The following ARFIP1 variants were observed in gnomAD, a reference collection of about 807,000 sequenced individuals.
ARFIP1 encodes ARF interacting protein 1.
ARFIP1 carries 24 observed loss-of-function variants against 42.5 expected under a neutral mutation model. The ratio of observed to expected loss-of-function variants is 0.57; its 90% CI spans 0.41 to 0.80. The LOEUF (loss-of-function observed/expected upper bound fraction) is 0.80. Ranked by LOEUF, ARFIP1 falls within the 30% of genes least tolerant of loss-of-function variation. ARFIP1 has a pLI of 0.00. For synonymous variants in ARFIP1, 141 were observed against 153.7 expected (o/e 0.92, Z 0.61); for missense variants, 354 against 434.0 (o/e 0.82, Z 1.64).
At chr4:152,867,179 A>G (rs923110096) in intron 3 of ARFIP1, among the ~76,000 whole-genome samples, 2 of 152,216 alleles carry the variant, frequency 1.3e-5, no homozygotes, top group Non-Finnish European at 2.9e-5. Flanking sequence ...AGCCGAGATC[A>G]CGCCACTGCA....
At chr4:152,784,100 A>G (rs1730658477) in intron 1 of ARFIP1, among the ~76,000 whole-genome samples, 1 of 152,212 alleles carries the variant, frequency 6.6e-6, no homozygotes, top group Non-Finnish European at 1.5e-5. Context: ...GGAAACTTTA[A>G]TATGGTTATG....
intron 2 of ARFIP1, among the ~76,000 whole-genome samples, chr4:152,854,439 T>C (rs2149869335): frequency 6.6e-6 from 1 of 152,316 alleles, no homozygotes; most frequent in East Asian, 1.9e-4. Flanking sequence ...GAATCAGTAG[T>C]TTGAATTCTT....
intron 1 of ARFIP1, among the ~76,000 whole-genome samples, chr4:152,799,722 C>T (rs1731685998): frequency 6.6e-6 from 1 of 151,908 alleles, no homozygotes; most frequent in African/African-American, 2.4e-5. Flanking sequence ...AAGATCAGAT[C>T]TCTGAATCTA....
chr4:152,782,813 T>C (rs1356783901), intron 1 of ARFIP1, among the ~76,000 whole-genome samples: 1 of 152,208 alleles, frequency 6.6e-6, no homozygotes, highest in Non-Finnish European at 1.5e-5. Context: ...ATATTTGAAC[T>C]TACTGATTTG....
intron 2 of ARFIP1, among the ~76,000 whole-genome samples, chr4:152,835,472 C>T (rs916225661): frequency 6.6e-6 from 1 of 152,198 alleles, no homozygotes; most frequent in South Asian, 2.1e-4. Flanking sequence ...AGTTCCCATT[C>T]GCTTCCTCAT....
intron 1 of ARFIP1, among the ~76,000 whole-genome samples, chr4:152,788,240 A>G (rs1730930020): frequency 1.3e-5 from 2 of 152,210 alleles, no homozygotes; most frequent in Non-Finnish European, 2.9e-5. Context: ...AAAACAAAAA[A>G]TGTGTTATTA....
intron 1 of ARFIP1, among the ~76,000 whole-genome samples, chr4:152,809,039 A>G (rs958979798): frequency 2.6e-5 from 4 of 152,162 alleles, no homozygotes; most frequent in Non-Finnish European, 5.9e-5. Context: ...GCGACAGAGG[A>G]AGACCCGTCT....
At chr4:152,796,396 C>T (rs1446492711) in intron 1 of ARFIP1, 10 of 731,176 alleles carry the variant, frequency 1.4e-5, no homozygotes, top group Admixed American at 2.0e-5. Context: ...CTTCAGTAAC[C>T]ATCCTCTTCC....
At chr4:152,838,473 T>C (rs1731826957) in intron 2 of ARFIP1, among the ~76,000 whole-genome samples, 1 of 152,220 alleles carries the variant, frequency 6.6e-6, no homozygotes, top group Non-Finnish European at 1.5e-5. Context: ...CAGTTTTCTT[T>C]GTAGAGGTCT....
At chr4:152,827,857 G>A (rs917785341) in intron 1 of ARFIP1, among the ~76,000 whole-genome samples, 5 of 152,004 alleles carry the variant, frequency 3.3e-5, no homozygotes, top group Admixed American at 2.0e-4. Flanking sequence ...TGTATTGTTT[G>A]TAGAGACGGG....
At chr4:152,841,218 T>A (rs542264162) in intron 2 of ARFIP1, among the ~76,000 whole-genome samples, 12 of 152,156 alleles carry the variant, frequency 7.9e-5, no homozygotes, top group African/African-American at 2.9e-4. Flanking sequence ...GTATTTTTAG[T>A]AGAGATGGAG....
At chr4:152,864,202 C>G (rs1734128044) in intron 3 of ARFIP1, among the ~76,000 whole-genome samples, 1 of 152,184 alleles carries the variant, frequency 6.6e-6, no homozygotes, top group Admixed American at 6.5e-5. Flanking sequence ...GACCACCTCT[C>G]TATCCTAAAC....
At chr4:152,822,647 A>ATCC (rs1273847348) in intron 1 of ARFIP1, among the ~76,000 whole-genome samples, 1 of 152,256 alleles carries the variant, frequency 6.6e-6, no homozygotes, top group East Asian at 1.9e-4. Context: ...TCTCCAAGGT[A>ATCC]TATCACATGA....
At chr4:152,782,370 T>A (rs1730560332) in intron 1 of ARFIP1, among the ~76,000 whole-genome samples, 1 of 152,214 alleles carries the variant, frequency 6.6e-6, no homozygotes, top group Non-Finnish European at 1.5e-5. Flanking sequence ...TCTAAATTCC[T>A]TCCTAGACTT....
chr4:152,841,429 C>T (rs150785333), intron 2 of ARFIP1, among the ~76,000 whole-genome samples: 2,292 of 152,072 alleles, frequency 0.015, 53 homozygotes, highest in African/African-American at 0.051. Flanking sequence ...CTCTTTGTTG[C>T]CTGTGTACTT....
intron 2 of ARFIP1, among the ~76,000 whole-genome samples, chr4:152,847,121 G>GTTTTTTTTTTTTTTT (rs1561139273): frequency 1.7e-4 from 8 of 48,166 alleles, no homozygotes; most frequent in Admixed American, 9.7e-4. Flanking sequence ...TTTTAGGTTT[G>GTTTTTTTTTTTTTTT]TTCTTTTTTT....
At chr4:152,815,996 A>G (rs1028707756) in intron 1 of ARFIP1, among the ~76,000 whole-genome samples, 6 of 151,728 alleles carry the variant, frequency 4.0e-5, no homozygotes, top group Non-Finnish European at 5.9e-5. Context: ...CGCCCGCCTC[A>G]GCCTCCCAAA....
intron 3 of ARFIP1, among the ~76,000 whole-genome samples, chr4:152,866,762 G>A (rs1391192977): frequency 6.6e-6 from 1 of 150,524 alleles, no homozygotes; most frequent in African/African-American, 2.4e-5. Context: ...CGGGCGGAGG[G>A]TCTCCTCACT....
chr4:152,823,005 G>C (rs1162057755), intron 1 of ARFIP1, among the ~76,000 whole-genome samples: 1 of 151,626 alleles, frequency 6.6e-6, no homozygotes, highest in Non-Finnish European at 1.5e-5. Flanking sequence ...AGAGAAACAA[G>C]AACAAATCAA....
Sources: gnomAD v4.1 joint callset for allele counts (sites outside exome capture counted in the v4.1 genomes callset) on GRCh38, gnomAD v4.1.1 for gene constraint, MANE v1.5 for transcripts, NCBI Gene and HGNC (gene_info 2026-07-23, HGNC 2026-07-21) for gene names.